Variants in MSH4 observed in about 807,000 individuals in gnomAD.
The protein encoded by MSH4 is mutS homolog 4.
MSH4 carries 106 observed loss-of-function variants against 113.7 expected under a neutral mutation model. That is an observed-to-expected ratio of 0.93 (90% CI 0.80 to 1.10). MSH4 has a LOEUF of 1.10. MSH4 is among the 50% of genes least tolerant of loss of function. MSH4 has a pLI of 0.00. For missense variants in MSH4, 1,061 were observed against 1,093.7 expected (o/e 0.97, Z 0.42); for synonymous variants, 368 against 380.2 (o/e 0.97, Z 0.37).
chr1:75,883,140 G>T (rs1323021004), intron 14 of MSH4, among the ~76,000 whole-genome samples: 1 of 151,282 alleles, frequency 6.6e-6, no homozygotes, highest in South Asian at 2.1e-4. Flanking sequence ...AAGTAGCTGG[G>T]ACTACAGGCA....
intron 15 of MSH4, among the ~76,000 whole-genome samples, chr1:75,887,022 G>C (rs764058373): frequency 7.9e-5 from 12 of 151,734 alleles, no homozygotes; most frequent in Non-Finnish European, 1.6e-4. Context: ...AATGAGGAAA[G>C]TCAGGCTCAA....
intron 14 of MSH4, 147 bp downstream of exon 14, chr1:75,881,517 G>A (rs903208351): frequency 1.3e-6 from 1 of 794,518 alleles, no homozygotes. Flanking sequence ...ACAAAATAAA[G>A]AAAGTGAGAT....
intron 2 of MSH4, 90 bp downstream of exon 2, chr1:75,804,003 TTATC>T: frequency 1.1e-6 from 1 of 919,344 alleles, no homozygotes; most frequent in South Asian, 3.1e-5. Context: ...TCATTTGAAT[TTATC>T]TATAACTGAT....
At chr1:75,872,505 C>G (rs915879650) in intron 9 of MSH4, among the ~76,000 whole-genome samples, 3 of 152,094 alleles carry the variant, frequency 2.0e-5, no homozygotes, top group African/African-American at 7.2e-5. Flanking sequence ...AGAATGACTG[C>G]CAGATATGAC....
In MSH4 at chr1:75,867,478, T is replaced by G. The variant is rs5745433; in HGVS notation, c.1231-36T>G. ...AACCCATTGTTCTATTAAATATTTA[T>G]GGTGTCCATCCAAATTTGGGTTTTT... On this transcript the variant is annotated intron_variant, in intron 8 of 19. Transcript: ENST00000263187. 0.23 allele frequency: 245,493 copies of G among 1,090,396 alleles called. 29,667 individuals are homozygous for G. Among genetic ancestry groups the G allele is most frequent in the Non-Finnish European group, 0.25 (181,134 of 717,232 alleles). 67.5% of individuals were successfully genotyped at this position (1,090,396 alleles called of 1,614,324 possible).
At chr1:75,907,534 A>G (rs1652686100) in intron 19 of MSH4, among the ~76,000 whole-genome samples, 2 of 151,606 alleles carry the variant, frequency 1.3e-5, no homozygotes, top group African/African-American at 4.9e-5. Context: ...GTACCTAGAT[A>G]TTAACATATT....
intron 8 of MSH4, among the ~76,000 whole-genome samples, chr1:75,860,206 C>T (rs1001609623): frequency 2.6e-5 from 4 of 152,112 alleles, no homozygotes; most frequent in Admixed American, 2.0e-4. Flanking sequence ...TGGGTCTTCA[C>T]TGTTTATCCA....
intron 12 of MSH4, among the ~76,000 whole-genome samples, chr1:75,879,847 T>C (rs1651892654): frequency 6.6e-6 from 1 of 152,148 alleles, no homozygotes; most frequent in Non-Finnish European, 1.5e-5. Flanking sequence ...TAAAAATGAA[T>C]GTATGGGTTA....
chr1:75,821,033 C>T (rs868750173), intron 6 of MSH4, among the ~76,000 whole-genome samples: 53 of 152,108 alleles, frequency 3.5e-4, no homozygotes, highest in Middle Eastern at 3.4e-3. Flanking sequence ...AGGAACTGAA[C>T]TCAGCTCTGC....
intron 4 of MSH4, among the ~76,000 whole-genome samples, chr1:75,813,881 A>T (rs1387144332): frequency 6.6e-6 from 1 of 152,096 alleles, no homozygotes; most frequent in Non-Finnish European, 1.5e-5. Flanking sequence ...AATCAAAAGC[A>T]ATATGAAGTA....
intron 17 of MSH4, among the ~76,000 whole-genome samples, chr1:75,897,221 A>C (rs1486472396): frequency 6.6e-6 from 1 of 152,170 alleles, no homozygotes; most frequent in African/African-American, 2.4e-5. Context: ...ACTTACAGAA[A>C]ATGCCATTTC....
intron 4 of MSH4, among the ~76,000 whole-genome samples, chr1:75,812,537 C>T (rs1650211258): frequency 1.3e-5 from 2 of 152,092 alleles, no homozygotes; most frequent in African/African-American, 4.8e-5. Context: ...ACTAAAAATA[C>T]AAAAAAATTA....
At position 75,883,812 on chromosome 1, in the gene MSH4, G is replaced by A. The variant is rs763279336; in HGVS notation, c.2098G>A (p.Ala700Thr). 2.0e-5 allele frequency: 33 copies of A among 1,611,274 alleles called. No individual in the cohort carries two copies. Among genetic ancestry groups the A allele is most frequent in the Non-Finnish European group, 2.7e-5 (32 of 1,178,772 alleles). Residue 700 changes from alanine to threonine, a missense_variant, in exon 15 of 20, where the codon GCC (alanine) becomes ACC (threonine). By Grantham distance (58) the Ala-to-Thr change is moderately conservative (BLOSUM62 0). Coordinates refer to ENST00000263187, the MANE Select transcript of MSH4 (RefSeq NM_002440.4). ...ACAGATTGCTCTTTGTCAGATTATG[G>A]CCCAGATTGGTAAGTTATGGCTTTA... ...LKQIALCQIM[A>T]QIGSYVPAEY...
At chr1:75,815,896 T>C (rs1650282849) in intron 5 of MSH4, among the ~76,000 whole-genome samples, 2 of 152,038 alleles carry the variant, frequency 1.3e-5, no homozygotes, top group Non-Finnish European at 2.9e-5. Context: ...TCATCCTAGC[T>C]ACTTGGGAGG....
rs530479127 is a variant in MSH4, at chr1:75,856,760, G to A, written c.1230+8484G>A. On this transcript the variant is annotated intron_variant, in intron 8 of 19. Coordinates refer to ENST00000263187, the MANE Select transcript of MSH4 (RefSeq NM_002440.4). ...CTGCAATAAACATACATGTACATGT[G>A]TCTTTATCGTAGAATGATTTATAAT... 2.0e-5 allele frequency among the ~76,000 whole-genome samples: 3 copies of A among 152,296 alleles called. No individual in the cohort carries two copies. The South Asian group carries it at 6.2e-4, about 32-fold the overall frequency.
intron 12 of MSH4, 136 bp downstream of exon 12, chr1:75,879,264 T>A: frequency 1.4e-6 from 1 of 717,704 alleles, no homozygotes; most frequent in Non-Finnish European, 2.3e-6. Context: ...CCCACCCACC[T>A]AACTAATGTA....
chr1:75,815,755 G>A (rs749569016), intron 5 of MSH4, among the ~76,000 whole-genome samples: 1 of 152,026 alleles, frequency 6.6e-6, no homozygotes, highest in Non-Finnish European at 1.5e-5. Flanking sequence ...TCCAGGCTGG[G>A]CACAGTGACT....
At chr1:75,845,717 G>A (rs1180759750) in intron 7 of MSH4, among the ~76,000 whole-genome samples, 1 of 152,102 alleles carries the variant, frequency 6.6e-6, no homozygotes, top group African/African-American at 2.4e-5. Flanking sequence ...GTCTCAGGGT[G>A]GGGAGGTAGG....
At chr1:75,846,542 G>A (rs1345375927) in intron 7 of MSH4, among the ~76,000 whole-genome samples, 1 of 152,124 alleles carries the variant, frequency 6.6e-6, no homozygotes, top group African/African-American at 2.4e-5. Context: ...GTTCTGCCAA[G>A]TTCTTTTCAA....
Sources: allele counts gnomAD v4.1 joint callset (sites outside exome capture counted in the v4.1 genomes callset), GRCh38; gene constraint gnomAD v4.1.1; transcripts MANE v1.5; gene names NCBI Gene and HGNC (gene_info 2026-07-23, HGNC 2026-07-21).